The following MAFG variants were observed in gnomAD, a reference collection of about 807,000 sequenced individuals.
The protein encoded by MAFG is MAF bZIP transcription factor G.
A neutral mutation model predicts 12.2 loss-of-function variants in MAFG; 3 were observed. The ratio of observed to expected loss-of-function variants is 0.25; its 90% confidence interval spans 0.11 to 0.64. The LOEUF is 0.64. Ranked by LOEUF, MAFG falls within the 30% of genes least tolerant of loss-of-function variation. The pLI, the probability that MAFG is intolerant of heterozygous loss-of-function variation, is 0.85. For synonymous variants in MAFG, 126 were observed against 109.1 expected (o/e 1.15, Z -0.96); for missense variants, 153 against 235.5 (o/e 0.65, Z 2.29).
rs779824477 is a variant in MAFG at position 81,922,718 on chromosome 17, C to T, written c.376G>A (p.Val126Met). The T allele has an allele frequency of 2.3e-5, 36 of 1,552,348 alleles. No individual in the cohort carries two copies. The highest frequency in any genetic ancestry group is 3.6e-5 in the South Asian group (3 of 83,684). Reference protein sequence around the residue: ...TFARTVARSPVAPARGPLAAG... With the variant: ...TFARTVARSPMAPARGPLAAG... The stretch of plus-strand genomic sequence containing the variant: ...GCAAGGGGGCCCCGGGCTGGCGCCA[C>T]GGGGCTGCGGGCCACCGTCCGGGCG... Residue 126 changes from valine (V) to methionine (M), a missense_variant, in exon 3 of 3, where the codon GTG becomes ATG. Physicochemically the swap from Val to Met is conservative, Grantham distance 21 (BLOSUM62 1). This residue lies in a region of MAFG where 81 missense variants were observed against 94.7 expected (regional missense o/e 0.86). Transcript: ENST00000357736.
At position 81,924,867 on chromosome 17, in the gene MAFG, C is replaced by T. The variant is rs1294306336; in HGVS notation, c.-29-1653G>A. 1.3e-5 allele frequency among the ~76,000 whole-genome samples: 2 copies of T among 152,184 alleles called. No individual in the cohort carries two copies. Among genetic ancestry groups the T allele is most frequent in the Admixed American group, 1.3e-4 (2 of 15,292 alleles). ...ACTGCCCTGGCACCAGCTTCTCCCA[C>T]CCCCATCGCCCCCACCCCTGCTGCT... On this transcript the variant is annotated intron_variant, in intron 1 of 2. Coordinates refer to ENST00000357736, the MANE Select transcript of MAFG (RefSeq NM_002359.4). The surrounding 1 kb of genome is among the most constrained non-coding windows in gnomAD (Gnocchi z 4.7).
In MAFG at chr17:81,920,066, A is replaced by C. The variant is rs1422925821; in HGVS notation, c.*2539T>G. 6.6e-6 allele frequency: 1 copy of C among 152,194 alleles called. No individual in the cohort carries two copies. Among genetic ancestry groups the C allele is most frequent in the East Asian group, 1.9e-4 (1 of 5,198 alleles). The allele number at this position is 152,194 out of a possible 1,614,324, so 9.4% of individuals were successfully genotyped here. ...CCAGGACAAAAGTGGGGGCTGCACAAGGACAAGGAGGGCCTGTTTCTCCCC... is the reference window on the plus strand; with the variant it reads ...CCAGGACAAAAGTGGGGGCTGCACACGGACAAGGAGGGCCTGTTTCTCCCC... On this transcript the variant is annotated 3_prime_UTR_variant, in exon 3 of 3. Transcript: ENST00000357736.
At chr17:81,923,286 C>CCCCCCCCCA (rs2040912974) in intron 1 of MAFG, 72 bp from the exon 2 acceptor site, 1 of 973,050 alleles carries the variant, frequency 1.0e-6, no homozygotes, top group African/African-American at 1.8e-5. Flanking sequence ...GCCCCCGGCC[C>CCCCCCCCCA]AGTTCACAAG....
Position 81,922,542 on chromosome 17 carries a change from G to A in MAFG, c.*63C>T. On this transcript the variant is annotated 3_prime_UTR_variant, in exon 3 of 3. Transcript: ENST00000357736. ...AGAAGAGAAGGAAACAGAGGGACAG[G>A]GCAGCCAAATTCGCCATGTGCCTAG... 1.6e-6 allele frequency: 2 copies of A among 1,255,518 alleles called. No homozygotes were observed. Among genetic ancestry groups the A allele is most frequent in the East Asian group, 2.8e-5 (1 of 35,374 alleles). 77.8% of individuals were successfully genotyped at this position (1,255,518 alleles called of 1,614,324 possible).
Position 81,922,512 on chromosome 17 carries a change from G to A in MAFG, c.*93C>T, listed in dbSNP as rs1177769042. On this transcript the variant is annotated 3_prime_UTR_variant, in exon 3 of 3. Coordinates refer to ENST00000357736, the MANE Select transcript of MAFG (RefSeq NM_002359.4). ...AGAGAAGGGTGGGGAAGAGAGGGAG[G>A]AAAGAGAAGAGAAGGAAACAGAGGG... 2.0e-6 allele frequency: 2 copies of A among 1,013,354 alleles called. No individual in the cohort carries two copies. Among genetic ancestry groups the A allele is most frequent in the African/African-American group, 1.7e-5 (1 of 58,158 alleles). The allele number at this position is 1,013,354 out of a possible 1,614,324, so 62.8% of individuals were successfully genotyped here.
chr17:81,919,848 G>C lies in MAFG; in HGVS notation c.*2757C>G, dbSNP rs1420900593. On this transcript the variant is annotated 3_prime_UTR_variant, in exon 3 of 3. Transcript: ENST00000357736. Reference sequence around the variant, plus strand: ...ACAGGAACACTCCCCTAGACCCAGGGAAGTCGCCCCAAATCCAAAGCTCTT... The same window carrying C: ...ACAGGAACACTCCCCTAGACCCAGGCAAGTCGCCCCAAATCCAAAGCTCTT... The C allele has an allele frequency of 1.3e-5, 2 of 152,218 alleles. No homozygotes were observed. The highest frequency in any genetic ancestry group is 2.4e-5 in the African/African-American group (1 of 41,430). The allele number at this position is 152,218 out of a possible 1,614,324, so 9.4% of individuals were successfully genotyped here. A position where few individuals can be genotyped will look rare whatever the true frequency, so the allele number is the denominator to read the frequency against.
chr17:81,929,817 TGCCTCCTCCCGCAG>T (rs962317457), upstream of MAFG: 3 of 153,636 alleles, frequency 2.0e-5, no homozygotes, highest in African/African-American at 7.3e-5. The surrounding 1 kb of genome is among the most constrained non-coding windows in gnomAD (Gnocchi z 5.7). Flanking sequence ...CACAGCTGGA[TGCCTCCTCCCGCAG>T]GCACCTCCCG....
intron 1 of MAFG, chr17:81,923,518 A>C (rs2143819010): frequency 3.5e-6 from 1 of 282,998 alleles, no homozygotes. Flanking sequence ...AGAGATTAGA[A>C]GGAATAAGAC....
upstream of MAFG, among the ~76,000 whole-genome samples, chr17:81,928,948 T>C (rs1043716496): frequency 5.3e-5 from 8 of 152,022 alleles, no homozygotes; most frequent in Non-Finnish European, 7.4e-5. This position sits in a 1 kb window ranked among gnomAD's most constrained non-coding sequence, Gnocchi z 8.1. Context: ...GAGGGCTAGG[T>C]CCACACAGCG....
At position 81,924,609 on chromosome 17, in the gene MAFG, G is replaced by A. The variant is rs956494625; in HGVS notation, c.-29-1395C>T. 10 of 152,312 alleles carry A rather than the reference G, an allele frequency of 6.6e-5. No homozygotes were observed. The highest frequency in any genetic ancestry group is 1.2e-4 in the Non-Finnish European group (8 of 68,116). 9.4% of individuals were successfully genotyped at this position (152,312 alleles called of 1,614,324 possible). The stretch of plus-strand genomic sequence containing the variant: ...GAGGTGAGGCTGCAAGCACAGAGCA[G>A]GGAGGGGAGGCCAGAGACCCCTCCC... On this transcript the variant is annotated intron_variant, in intron 1 of 2. Transcript: ENST00000357736. The surrounding 1 kb of genome is among the most constrained non-coding windows in gnomAD (Gnocchi z 4.7).
upstream of MAFG, chr17:81,927,872 C>G (rs1324672016): frequency 6.6e-6 from 1 of 152,190 alleles, no homozygotes; most frequent in Non-Finnish European, 1.5e-5. Context: ...ACTGGCTGCT[C>G]TAGCGCCTGG....
upstream of MAFG, chr17:81,927,750 T>G (rs1463951811): frequency 1.3e-5 from 2 of 152,150 alleles, no homozygotes; most frequent in African/African-American, 2.4e-5. Context: ...TTTGGTCACG[T>G]GGGCTCCATT....
intron 1 of MAFG, among the ~76,000 whole-genome samples, chr17:81,923,841 G>A (rs558730072): frequency 6.6e-6 from 1 of 152,344 alleles, no homozygotes; most frequent in South Asian, 2.1e-4. Flanking sequence ...GGCCCCACGG[G>A]GGACCTGGCC....
upstream of MAFG, chr17:81,930,159 C>T (rs2040974410): frequency 1.3e-5 from 2 of 152,352 alleles, no homozygotes; most frequent in Admixed American, 1.3e-4. The surrounding 1 kb of genome is among the most constrained non-coding windows in gnomAD (Gnocchi z 4.1). Context: ...CCAGTCCAGC[C>T]CTGCTCTCCC....
upstream of MAFG, among the ~76,000 whole-genome samples, chr17:81,928,617 G>T (rs2040961391): frequency 1.3e-5 from 2 of 152,196 alleles, no homozygotes; most frequent in South Asian, 4.1e-4. This position sits in a 1 kb window ranked among gnomAD's most constrained non-coding sequence, Gnocchi z 8.1. Context: ...CGTTGTCGCC[G>T]TGTGCGCTGT....
intron 1 of MAFG, chr17:81,923,464 A>C: frequency 7.7e-6 from 3 of 389,058 alleles, no homozygotes; most frequent in Non-Finnish European, 1.4e-5. Flanking sequence ...GAGAAGGGGA[A>C]CTGAAGGCTG....
At chr17:81,927,851 T>A (rs767449501), upstream of MAFG, 1 of 152,088 alleles carries the variant, frequency 6.6e-6, no homozygotes, top group Non-Finnish European at 1.5e-5. Context: ...CGCGCCGTCG[T>A]CCCTGGCAAC....
rs923629849 is a variant in MAFG, at chr17:81,919,648, T to A, written c.*2957A>T. On this transcript the variant is annotated 3_prime_UTR_variant, in exon 3 of 3. Coordinates refer to ENST00000357736, the MANE Select transcript of MAFG (RefSeq NM_002359.4). ...CCTCGATTCGCTGTGTCAGAAAAAC[T>A]GAGGTGAGAAGAGACCACCACCCTC... 5.9e-5 allele frequency: 9 copies of A among 152,256 alleles called. No individual in the cohort carries two copies. Among genetic ancestry groups the A allele is most frequent in the African/African-American group, 2.2e-4 (9 of 41,446 alleles). The allele number at this position is 152,256 out of a possible 1,614,324, so 9.4% of individuals were successfully genotyped here.
Position 81,926,869 on chromosome 17 carries a change from G to T in MAFG, c.-30+659C>A, listed in dbSNP as rs576057796. Among the ~76,000 whole-genome samples, 38 of 151,750 alleles carry T rather than the reference G, an allele frequency of 2.5e-4. No homozygotes were observed. The highest frequency in any genetic ancestry group is 3.7e-4 in the Non-Finnish European group (25 of 67,876). On this transcript the variant is annotated intron_variant, in intron 1 of 2. Transcript: ENST00000357736. This position sits in a 1 kb window ranked among gnomAD's most constrained non-coding sequence, Gnocchi z 4.6. Reference sequence around the variant, plus strand: ...CCTGGCCCCCTCCCACATCCCCACGGCTCCCTCCCACCTCCCGCTGGCGGC... The same window carrying T: ...CCTGGCCCCCTCCCACATCCCCACGTCTCCCTCCCACCTCCCGCTGGCGGC...
Sources: allele counts gnomAD v4.1 joint callset (sites outside exome capture counted in the v4.1 genomes callset), GRCh38; gene constraint gnomAD v4.1.1; regional missense constraint gnomAD v4.1.1; non-coding constraint Gnocchi (gnomAD v3.1); transcripts MANE v1.5; gene names NCBI Gene and HGNC (gene_info 2026-07-23, HGNC 2026-07-21).